The following FKBP5 variants were observed in gnomAD, a reference collection of about 807,000 sequenced individuals.
FKBP5 encodes peptidyl-prolyl cis-trans isomerase FKBP5.
Under a neutral mutation model 50.5 loss-of-function variants are expected in FKBP5, and 23 were observed. The observed-to-expected ratio is 0.46, with a 90% CI of 0.33 to 0.65. The LOEUF is 0.65. Ranked by LOEUF, FKBP5 falls within the 30% of genes least tolerant of loss-of-function variation. The pLI, the probability that FKBP5 is intolerant of heterozygous loss-of-function variation, is 0.02. For missense variants in FKBP5, 411 were observed against 553.1 expected, an observed-to-expected ratio of 0.74 and a Z score of 2.58; for synonymous variants, 176 against 190.6, an observed-to-expected ratio of 0.92 and a Z score of 0.63.
At chr6:35,628,647 C>A (rs955497309) in intron 3 of FKBP5, among the ~76,000 whole-genome samples, 2 of 152,164 alleles carry the variant, frequency 1.3e-5, no homozygotes, top group African/African-American at 2.4e-5. Context: ...ATACAGAAAT[C>A]CTTTCTTCTT....
chr6:35,599,983 A>G (rs2395634), intron 5 of FKBP5, among the ~76,000 whole-genome samples: 101,714 of 152,078 alleles, frequency 0.67, 34,306 homozygotes, highest in East Asian at 0.74. Context: ...ACAAATCTAG[A>G]TGGAACAGCC....
intron 2 of FKBP5, among the ~76,000 whole-genome samples, chr6:35,711,454 CT>C (rs1766411199): frequency 6.6e-6 from 1 of 151,992 alleles, no homozygotes. Flanking sequence ...CCTGTCTCTA[CT>C]AAAAATACAA....
chr6:35,642,681 G>A, intron 2 of FKBP5, 39 bp downstream of exon 2: 1 of 1,494,368 alleles, frequency 6.7e-7, no homozygotes, highest in Non-Finnish European at 9.3e-7. Flanking sequence ...TTTCCAGACA[G>A]CAGGTTTCCT....
intron 1 of FKBP5, among the ~76,000 whole-genome samples, chr6:35,684,203 G>T: frequency 6.7e-6 from 1 of 149,710 alleles, no homozygotes; most frequent in African/African-American, 2.5e-5. Context: ...TTTTAAGGCA[G>T]GGTCTCGCTC....
chr6:35,658,592 T>C (rs1477279221), intron 1 of FKBP5, among the ~76,000 whole-genome samples: 1 of 152,234 alleles, frequency 6.6e-6, no homozygotes, highest in East Asian at 1.9e-4. Context: ...CAAGGCATGT[T>C]AAACTTTGTT....
intron 1 of FKBP5, among the ~76,000 whole-genome samples, chr6:35,685,982 C>CAAAAAAA (rs60786619): frequency 2.6e-4 from 12 of 46,212 alleles, no homozygotes; most frequent in Non-Finnish European, 5.8e-4. Flanking sequence ...AACGCCATCT[C>CAAAAAAA]AAAAAAAAAA....
chr6:35,656,470 C>T (rs1467121995), intron 1 of FKBP5, among the ~76,000 whole-genome samples: 2 of 152,126 alleles, frequency 1.3e-5, no homozygotes, highest in African/African-American at 4.8e-5. Context: ...AAAACAATTT[C>T]CAAGGGATAG....
At chr6:35,581,024 TGTA>T (rs1297844728) in intron 8 of FKBP5, 3 of 980,322 alleles carry the variant, frequency 3.1e-6, no homozygotes, top group Non-Finnish European at 3.6e-6. Context: ...TCTTATCATT[TGTA>T]GTGCAAAAGC....
chr6:35,684,292 C>G (rs532533509), intron 1 of FKBP5, among the ~76,000 whole-genome samples: 1 of 152,002 alleles, frequency 6.6e-6, no homozygotes, highest in African/African-American at 2.4e-5. Flanking sequence ...GATCCTCCCA[C>G]CTCAGCCTCC....
intron 3 of FKBP5, among the ~76,000 whole-genome samples, chr6:35,636,438 A>T (rs1764311236): frequency 6.6e-6 from 1 of 152,244 alleles, no homozygotes; most frequent in African/African-American, 2.4e-5. Flanking sequence ...CATGAAATAA[A>T]TGCAGTTAGT....
At position 35,590,300 on chromosome 6, in the gene FKBP5, C is replaced by CA. The variant is rs59847478; in HGVS notation, c.756+829dup. On this transcript the variant is annotated intron_variant, in intron 7 of 10. Coordinates refer to ENST00000357266, the MANE Select transcript of FKBP5 (RefSeq NM_004117.4). The stretch of plus-strand genomic sequence containing the variant: ...GGGTGACAAGAGTGAGACCCTATCT[C>CA]AAAAAAAAAAAAGTTGAATGTACAG... 7.2e-3 allele frequency among the ~76,000 whole-genome samples: 1,027 copies of CA among 141,834 alleles called. 5 individuals carry two copies. The highest frequency in any genetic ancestry group is 8.9e-3 in the Non-Finnish European group (579 of 64,816). 93.0% of individuals were successfully genotyped at this position (141,834 alleles called of 152,430 possible).
chr6:35,707,187 A>ATTCAGATC (rs1295779477), intron 2 of FKBP5, among the ~76,000 whole-genome samples: 2 of 150,080 alleles, frequency 1.3e-5, no homozygotes, highest in African/African-American at 4.9e-5. Flanking sequence ...TACTTTCATA[A>ATTCAGATC]TTCAGATCAC....
intron 2 of FKBP5, among the ~76,000 whole-genome samples, chr6:35,702,984 T>C (rs947867216): frequency 6.6e-6 from 1 of 152,202 alleles, no homozygotes; most frequent in Non-Finnish European, 1.5e-5. Context: ...GTGCCGTGAC[T>C]CATGCCTGTA....
chr6:35,684,152 C>T (rs1765758152), intron 1 of FKBP5, among the ~76,000 whole-genome samples: 1 of 151,582 alleles, frequency 6.6e-6, no homozygotes, highest in Non-Finnish European at 1.5e-5. Context: ...TTTGAAAATA[C>T]ATCATTTTCA....
intron 5 of FKBP5, among the ~76,000 whole-genome samples, chr6:35,597,631 T>C (rs909246197): frequency 6.6e-6 from 1 of 152,224 alleles, no homozygotes; most frequent in Non-Finnish European, 1.5e-5. Context: ...TTTGTATCAA[T>C]AAGACAGTTT....
At chr6:35,597,193 C>CATAT in intron 6 of FKBP5, 55 bp downstream of exon 6, 1 of 1,583,574 alleles carries the variant, frequency 6.3e-7, no homozygotes, top group Non-Finnish European at 8.6e-7. Flanking sequence ...AAAAAGCAAG[C>CATAT]ATATCCCTGT....
intron 2 of FKBP5, among the ~76,000 whole-genome samples, chr6:35,698,034 A>C (rs1327576454): frequency 6.6e-6 from 1 of 152,210 alleles, no homozygotes; most frequent in Non-Finnish European, 1.5e-5. Context: ...AATACTTGAG[A>C]CTAGGTAATT....
intron 1 of FKBP5, among the ~76,000 whole-genome samples, chr6:35,728,321 G>A (rs938787403): frequency 7.2e-5 from 11 of 152,166 alleles, no homozygotes; most frequent in African/African-American, 2.7e-4. Context: ...CCTGCCGCGC[G>A]AGACCTCCAC....
Position 35,620,250 on chromosome 6 carries a change from A to G in FKBP5, c.275T>C (p.Ile92Thr), listed in dbSNP as rs1581823076. 1 of 1,614,094 alleles carries G rather than the reference A, an allele frequency of 6.2e-7. No homozygotes were observed. The highest frequency in any genetic ancestry group is 8.5e-7 in the Non-Finnish European group (1 of 1,179,992). Reference sequence around the variant, plus strand: ...TCCTTTCTTCATGGTAGCCACCCCAATGTCCCATGCCTTGATGACTTGGCC... The same window carrying G: ...TCCTTTCTTCATGGTAGCCACCCCAGTGTCCCATGCCTTGATGACTTGGCC... ...GKGQVIKAWD[I>T]GVATMKKGEI... The change falls in exon 4 of 11, where the codon ATT becomes ACT. Residue 92 changes from isoleucine (I) to threonine (T), a missense_variant. By Grantham distance (89) the Ile-to-Thr change is moderately conservative. Around this residue, in one of 3 missense-constraint regions of FKBP5, gnomAD observed 267 missense variants for 405.9 expected, o/e 0.66. Coordinates refer to ENST00000357266, the MANE Select transcript of FKBP5 (RefSeq NM_004117.4).
Sources: gnomAD v4.1 joint callset for allele counts (sites outside exome capture counted in the v4.1 genomes callset) on GRCh38, gnomAD v4.1.1 for gene constraint, gnomAD v4.1.1 regional missense constraint, MANE v1.5 for transcripts, NCBI Gene and HGNC (gene_info 2026-07-23, HGNC 2026-07-21) for gene names.